Variants in IGSF3 observed in about 807,000 individuals in gnomAD.
IGSF3 encodes glu-Trp-Ile EWI motif-containing protein 3.
In IGSF3, 23 loss-of-function variants were observed where a neutral mutation model predicts 114.4. The ratio of observed to expected loss-of-function variants is 0.20; its 90% CI spans 0.14 to 0.28. IGSF3 has a LOEUF of 0.28. IGSF3 is among the 10% of genes least tolerant of loss of function. IGSF3 has a pLI of 1.00. For synonymous variants in IGSF3, 571 were observed against 645.2 expected, an observed-to-expected ratio of 0.88 and a Z score of 1.74; for missense variants, 1,172 against 1,591.5, an observed-to-expected ratio of 0.74 and a Z score of 4.48.
rs768697516 is a variant in IGSF3 at position 116,588,808 on chromosome 1, C to T, written c.2326G>A (p.Asp776Asn). Residue 776 changes from aspartate to asparagine, a missense_variant, in exon 8 of 11, where the codon GAC (aspartate) becomes AAC (asparagine). By Grantham distance (23) the Asp-to-Asn change is conservative (BLOSUM62 1). Transcript: ENST00000369486. The surrounding 1 kb of genome is among the most constrained non-coding windows in gnomAD (Gnocchi z 4.9). ...SLTVQRAEVS[D>N]SGSYYCHVEE... The stretch of plus-strand genomic sequence containing the variant: ...ACGTGGCAGTAGTAGCTGCCGCTGT[C>T]GCTGACCTCGGCTCTCTGGACGGTG... 15 of 1,614,072 alleles carry T rather than the reference C, an allele frequency of 9.3e-6. No homozygotes were observed. The highest frequency in any genetic ancestry group is 1.3e-5 in the Non-Finnish European group (15 of 1,180,018).
At chr1:116,587,419 C>T (rs1659897791) in intron 8 of IGSF3, among the ~76,000 whole-genome samples, 1 of 152,084 alleles carries the variant, frequency 6.6e-6, no homozygotes, top group South Asian at 2.1e-4. Context: ...AGCTAGGAAT[C>T]CCCCTTCACG....
In IGSF3 at chr1:116,633,992, G is replaced by A. The variant is rs1335119291; in HGVS notation, c.44-17535C>T. Among the ~76,000 whole-genome samples the A allele has an allele frequency of 6.6e-6, 1 of 152,012 alleles. No homozygotes were observed. Among genetic ancestry groups the A allele is most frequent in the Non-Finnish European group, 1.5e-5 (1 of 67,962 alleles). Reference sequence around the variant, plus strand: ...GCCATCGAGGCTAAAACCAAAGCAGGAGCAAATCAGCCCTGCTAATGTGTA... The same window carrying A: ...GCCATCGAGGCTAAAACCAAAGCAGAAGCAAATCAGCCCTGCTAATGTGTA... On this transcript the variant is annotated intron_variant, in intron 2 of 10. Transcript: ENST00000369486. The surrounding 1 kb of genome is among the most constrained non-coding windows in gnomAD (Gnocchi z 4.3).
At position 116,595,025 on chromosome 1, in the gene IGSF3, A is replaced by G. The variant is rs1660283527; in HGVS notation, c.2029+4916T>C. Among the ~76,000 whole-genome samples the G allele has an allele frequency of 1.3e-5, 2 of 152,086 alleles. No homozygotes were observed. The highest frequency in any genetic ancestry group is 4.8e-5 in the African/African-American group (2 of 41,398). On this transcript the variant is annotated intron_variant, in intron 7 of 10. Transcript: ENST00000369486. This position sits in a 1 kb window ranked among gnomAD's most constrained non-coding sequence, Gnocchi z 4.2. ...AGAGCCCGCAAGGCAGGAACGTGAC[A>G]CACCCATCTCAGCAGCCTCACCAGC...
chr1:116,599,930 G>A lies in IGSF3; in HGVS notation c.2029+11C>T, dbSNP rs78610473. 23 of 1,604,064 alleles carry A rather than the reference G, an allele frequency of 1.4e-5. No individual in the cohort carries two copies. The South Asian group carries it at 2.0e-4, about 14-fold the overall frequency. ...GCATGGGCACATAGCCCACAGGTCC[G>A]CAGCACTCACCTGGCTGCAGCACCC... On this transcript the variant is annotated intron_variant, in intron 7 of 10. Transcript: ENST00000369486.
chr1:116,639,285 C>A (rs541892852), intron 2 of IGSF3, among the ~76,000 whole-genome samples: 2 of 152,360 alleles, frequency 1.3e-5, no homozygotes, highest in East Asian at 3.9e-4. Context: ...GATGGACAGG[C>A]AGGACCAGGT....
At chr1:116,599,910 G>C (rs6428665) in intron 7 of IGSF3, 31 bp downstream of exon 7, 1 of 1,587,810 alleles carries the variant, frequency 6.3e-7, no homozygotes, top group Non-Finnish European at 8.6e-7. Context: ...AGGCAGCATG[G>C]GCACATAGCC....
intron 2 of IGSF3, among the ~76,000 whole-genome samples, chr1:116,621,008 G>A (rs1661398055): frequency 6.6e-6 from 1 of 152,182 alleles, no homozygotes. Context: ...GGTGGGGCCT[G>A]GTGGGAGGTG....
intron 10 of IGSF3, among the ~76,000 whole-genome samples, chr1:116,578,627 A>G (rs1338119421): frequency 6.6e-6 from 1 of 152,222 alleles, no homozygotes; most frequent in Admixed American, 6.5e-5. Context: ...TGTTTTGACT[A>G]AAAAGAAGTT....
chr1:116,617,507 C>T (rs1170095664), intron 2 of IGSF3: 1 of 183,378 alleles, frequency 5.5e-6, no homozygotes, highest in Non-Finnish European at 1.0e-5. Flanking sequence ...TGCTTTTCTT[C>T]TCCAGACCTT....
At chr1:116,667,509 G>T (rs1418952284) in intron 1 of IGSF3, 109 bp downstream of exon 1, 2 of 151,358 alleles carry the variant, frequency 1.3e-5, no homozygotes, top group African/African-American at 2.4e-5. Flanking sequence ...GAGCTCAGCC[G>T]GCGCGGGCCC....
rs1251058747 is a variant in IGSF3, at chr1:116,593,951, G to T, written c.2030-4847C>A. Reference sequence around the variant, plus strand: ...CTGCCTCGTGTCCTGTGTGACTTTCGAATGACATTCATATGGGCAAAAATT... The same window carrying T: ...CTGCCTCGTGTCCTGTGTGACTTTCTAATGACATTCATATGGGCAAAAATT... On this transcript the variant is annotated intron_variant, in intron 7 of 10. Coordinates refer to ENST00000369486, the MANE Select transcript of IGSF3 (RefSeq NM_001007237.3). The surrounding 1 kb of genome is among the most constrained non-coding windows in gnomAD (Gnocchi z 4.5). Among the ~76,000 whole-genome samples, 2 of 152,216 alleles carry T rather than the reference G, an allele frequency of 1.3e-5. No homozygotes were observed. The highest frequency in any genetic ancestry group is 1.5e-5 in the Non-Finnish European group (1 of 68,054).
chr1:116,578,480 A>G (rs1314418537), intron 10 of IGSF3, among the ~76,000 whole-genome samples: 2 of 152,158 alleles, frequency 1.3e-5, no homozygotes, highest in Admixed American at 1.3e-4. Flanking sequence ...AGTGTATGAA[A>G]CTGCTGATAG....
rs910865356 is a variant in IGSF3, at chr1:116,614,605, A to G, written c.422-430T>C. Among the ~76,000 whole-genome samples, 1 of 152,224 alleles carries G rather than the reference A, an allele frequency of 6.6e-6. No homozygotes were observed. Among genetic ancestry groups the G allele is most frequent in the African/African-American group, 2.4e-5 (1 of 41,446 alleles). On this transcript the variant is annotated intron_variant, in intron 3 of 10. Coordinates refer to ENST00000369486, the MANE Select transcript of IGSF3 (RefSeq NM_001007237.3). The surrounding 1 kb of genome is among the most constrained non-coding windows in gnomAD (Gnocchi z 4.5). ...CTGGAACTTTTAGTTTTACATTTCT[A>G]TACAACATCCTTTCTTTCCTTCCCA...
chr1:116,612,459 C>G lies in IGSF3; in HGVS notation c.832+1306G>C, dbSNP rs1465858267. On this transcript the variant is annotated intron_variant, in intron 4 of 10. Coordinates refer to ENST00000369486, the MANE Select transcript of IGSF3 (RefSeq NM_001007237.3). This position sits in a 1 kb window ranked among gnomAD's most constrained non-coding sequence, Gnocchi z 4.1. ...ATCACCTGGGAAGCGTGCCGGAAATCCAGCTTCCCAGGTCCCATCCCAGGA... is the reference window on the plus strand; with the variant it reads ...ATCACCTGGGAAGCGTGCCGGAAATGCAGCTTCCCAGGTCCCATCCCAGGA... Among the ~76,000 whole-genome samples, 1 of 152,130 alleles carries G rather than the reference C, an allele frequency of 6.6e-6. No homozygotes were observed. Among genetic ancestry groups the G allele is most frequent in the African/African-American group, 2.4e-5 (1 of 41,418 alleles).
intron 2 of IGSF3, among the ~76,000 whole-genome samples, chr1:116,653,746 C>T (rs1441122278): frequency 2.6e-5 from 4 of 152,152 alleles, no homozygotes; most frequent in Non-Finnish European, 5.9e-5. Context: ...CTAAAATGAA[C>T]TCAGGCCTAG....
At chr1:116,663,459 C>T (rs1019001037) in intron 2 of IGSF3, among the ~76,000 whole-genome samples, 5 of 150,790 alleles carry the variant, frequency 3.3e-5, no homozygotes, top group South Asian at 2.2e-4. Context: ...CAGAGCCAGG[C>T]TTAAATGGCT....
In IGSF3 at chr1:116,655,452, G is replaced by A. The variant is rs377207155; in HGVS notation, c.43+10832C>T. ...CAAGAAACTGCTCTTGCTCCCAGAG[G>A]TTTTAAAGAAAGTCATTCCCGTGAA... On this transcript the variant is annotated intron_variant, in intron 2 of 10. Coordinates refer to ENST00000369486, the MANE Select transcript of IGSF3 (RefSeq NM_001007237.3). The surrounding 1 kb of genome is among the most constrained non-coding windows in gnomAD (Gnocchi z 4.3). Among the ~76,000 whole-genome samples the A allele has an allele frequency of 6.6e-6, 1 of 152,220 alleles. No homozygotes were observed. The highest frequency in any genetic ancestry group is 2.4e-5 in the African/African-American group (1 of 41,454).
chr1:116,659,332 T>C (rs1321619511), intron 2 of IGSF3, among the ~76,000 whole-genome samples: 1 of 152,168 alleles, frequency 6.6e-6, no homozygotes. Flanking sequence ...TCTGCTGCCA[T>C]GGTCTTTGTT....
rs1571141973 is a variant in IGSF3, at chr1:116,600,382, A to G, written c.1625-37T>C. 6 of 1,568,656 alleles carry G rather than the reference A, an allele frequency of 3.8e-6. No individual in the cohort carries two copies. Among genetic ancestry groups the G allele is most frequent in the Non-Finnish European group, 5.2e-6 (6 of 1,150,654 alleles). On this transcript the variant is annotated intron_variant, in intron 6 of 10. Coordinates refer to ENST00000369486, the MANE Select transcript of IGSF3 (RefSeq NM_001007237.3). The surrounding 1 kb of genome is among the most constrained non-coding windows in gnomAD (Gnocchi z 5.5). ...GCAGAGAGATTCAACCAGAGGAGGCATGTGGCTTTCTCAGGGCAGTATGAC... is the reference window on the plus strand; with the variant it reads ...GCAGAGAGATTCAACCAGAGGAGGCGTGTGGCTTTCTCAGGGCAGTATGAC...
Sources: allele counts gnomAD v4.1 joint callset (sites outside exome capture counted in the v4.1 genomes callset), GRCh38; gene constraint gnomAD v4.1.1; non-coding constraint Gnocchi (gnomAD v3.1); transcripts MANE v1.5; gene names NCBI Gene and HGNC (gene_info 2026-07-23, HGNC 2026-07-21).